ESRRG: variants seen among roughly 807,000 people sequenced by gnomAD.
ESRRG encodes estrogen related receptor gamma, also known as estrogen-related receptor gamma.
In ESRRG, 13 loss-of-function variants were observed where a neutral mutation model predicts 44.0. The observed-to-expected ratio is 0.30, with a 90% CI of 0.19 to 0.47. ESRRG has a LOEUF of 0.47. ESRRG is among the 20% of genes least tolerant of loss of function. The pLI is 1.00. For synonymous variants in ESRRG, 215 were observed against 214.6 expected, an observed-to-expected ratio of 1.00 and a Z score of -0.02; for missense variants, 395 against 580.6, an observed-to-expected ratio of 0.68 and a Z score of 3.29.
chr1:217,118,139 C>T (rs978012301), intron 1 of ESRRG, among the ~76,000 whole-genome samples: 1 of 152,184 alleles, frequency 6.6e-6, no homozygotes, highest in Non-Finnish European at 1.5e-5. Context: ...ATACTACTCA[C>T]CCCTTCATCC....
At chr1:216,860,492 C>T (rs1261514600) in intron 2 of ESRRG, among the ~76,000 whole-genome samples, 1 of 151,892 alleles carries the variant, frequency 6.6e-6, no homozygotes, top group Non-Finnish European at 1.5e-5. Context: ...AGTATAAAAT[C>T]TTAAAAGTAG....
chr1:216,723,070 A>G (rs1453609290), intron 1 of ESRRG, among the ~76,000 whole-genome samples, 174 bp downstream of exon 1: 2 of 152,126 alleles, frequency 1.3e-5, no homozygotes, highest in East Asian at 1.9e-4. Context: ...TTCTCGACTT[A>G]CTGAATTAGG....
rs191234629 is a variant in ESRRG at position 216,526,364 on chromosome 1, G to T, written c.863-6943C>A. On this transcript the variant is annotated intron_variant, in intron 5 of 6. Transcript: ENST00000408911. The stretch of plus-strand genomic sequence containing the variant: ...ATATGACTGTATCTTCATAAAAAGG[G>T]GATATTTGGACACAGAGATGGACGT... 7.9e-5 allele frequency among the ~76,000 whole-genome samples: 12 copies of T among 152,160 alleles called. No homozygotes were observed. The East Asian group carries it at 2.3e-3, about 30-fold the overall frequency.
chr1:216,804,066 C>A (rs1265082958), intron 2 of ESRRG, among the ~76,000 whole-genome samples: 1 of 152,054 alleles, frequency 6.6e-6, no homozygotes, highest in Admixed American at 6.6e-5. Context: ...AAATGGTATA[C>A]CCTCTCACAC....
chr1:217,050,908 T>C (rs2085839758), intron 1 of ESRRG, among the ~76,000 whole-genome samples: 1 of 152,026 alleles, frequency 6.6e-6, no homozygotes, highest in Admixed American at 6.6e-5. Context: ...CTGTTTTAGA[T>C]GACTGCTCTG....
rs146179224 is a variant in ESRRG, at chr1:217,022,425, T to G, written c.-106+67082A>C. ...AACAAATCACTTCCTGAAACTGTTA[T>G]GACAGGATTCCCATATGCAAACGGC... On this transcript the variant is annotated intron_variant, in intron 1 of 7. Transcript: ENST00000359162. Among the ~76,000 whole-genome samples the G allele has an allele frequency of 4.6e-3, 706 of 152,336 alleles. 6 individuals carry two copies. The highest frequency in any genetic ancestry group is 7.8e-3 in the Admixed American group (119 of 15,304).
At chr1:216,662,990 A>G (rs1410090700) in intron 2 of ESRRG, among the ~76,000 whole-genome samples, 2 of 152,238 alleles carry the variant, frequency 1.3e-5, no homozygotes, top group African/African-American at 4.8e-5. Flanking sequence ...ACAGTCTATT[A>G]TCCATTATTT....
chr1:216,686,439 CAAAAAAAA>C (rs58718125), intron 1 of ESRRG, among the ~76,000 whole-genome samples: 22 of 107,168 alleles, frequency 2.1e-4, no homozygotes, highest in African/African-American at 4.3e-4. Context: ...TATTGTTAAC[CAAAAAAAA>C]AAAAAAAAAA....
chr1:217,064,209 A>G (rs1207633680), intron 1 of ESRRG, among the ~76,000 whole-genome samples: 2 of 151,882 alleles, frequency 1.3e-5, no homozygotes, highest in African/African-American at 4.8e-5. Context: ...GTATGTGTAT[A>G]TATGTTGTAT....
intron 1 of ESRRG, among the ~76,000 whole-genome samples, chr1:216,961,623 A>G (rs1454410197): frequency 6.8e-6 from 1 of 147,856 alleles, no homozygotes; most frequent in Non-Finnish European, 1.5e-5. Flanking sequence ...TACTTGATAC[A>G]CTGTTGATTA....
chr1:216,847,007 A>G (rs1559852963), intron 2 of ESRRG, among the ~76,000 whole-genome samples: 1 of 152,150 alleles, frequency 6.6e-6, no homozygotes. Flanking sequence ...TGATAACTCA[A>G]CATTCCTTCC....
chr1:217,053,485 GAAA>G (rs2086510223), intron 1 of ESRRG, among the ~76,000 whole-genome samples: 1 of 151,064 alleles, frequency 6.6e-6, no homozygotes, highest in African/African-American at 2.4e-5. Context: ...AAGAAAGAAA[GAAA>G]GAAAGAAAGA....
intron 1 of ESRRG, among the ~76,000 whole-genome samples, chr1:216,991,641 T>A (rs1157213939): frequency 1.5e-5 from 1 of 68,914 alleles, no homozygotes; most frequent in Non-Finnish European, 2.8e-5. Context: ...TGGGATGGGA[T>A]GGGATGGGAT....
chr1:216,618,517 A>G (rs1014325694), intron 3 of ESRRG, among the ~76,000 whole-genome samples: 2 of 152,218 alleles, frequency 1.3e-5, no homozygotes, highest in African/African-American at 2.4e-5. Flanking sequence ...ATATATATAA[A>G]TAAGTAATAT....
chr1:216,710,139 C>T (rs532223183), intron 1 of ESRRG, among the ~76,000 whole-genome samples: 1 of 152,286 alleles, frequency 6.6e-6, no homozygotes, highest in Admixed American at 6.5e-5. Flanking sequence ...CTTCTATCTT[C>T]CAGTCCTGCC....
At chr1:216,961,011 AC>A (rs1302516053) in intron 1 of ESRRG, among the ~76,000 whole-genome samples, 1 of 152,188 alleles carries the variant, frequency 6.6e-6, no homozygotes. Flanking sequence ...CTTTCATCAG[AC>A]ATCAAAACAT....
At chr1:216,643,348 A>T (rs1235210270) in intron 3 of ESRRG, among the ~76,000 whole-genome samples, 1 of 152,182 alleles carries the variant, frequency 6.6e-6, no homozygotes, top group Non-Finnish European at 1.5e-5. Context: ...ACATCTGGAC[A>T]ACTAATTCCC....
intron 1 of ESRRG, among the ~76,000 whole-genome samples, chr1:217,134,620 C>A (rs1392258037): frequency 6.6e-6 from 1 of 152,226 alleles, no homozygotes; most frequent in Non-Finnish European, 1.5e-5. Flanking sequence ...CTTTGACCCG[C>A]CGTGCGCGAG....
intron 2 of ESRRG, among the ~76,000 whole-genome samples, chr1:216,749,779 A>G (rs1250463048): frequency 6.6e-6 from 1 of 152,174 alleles, no homozygotes; most frequent in Non-Finnish European, 1.5e-5. Context: ...CTAGATATTA[A>G]TATCAGCATT....
Sources: gnomAD v4.1 joint callset for allele counts (sites outside exome capture counted in the v4.1 genomes callset) on GRCh38, gnomAD v4.1.1 for gene constraint, MANE v1.5 for transcripts, NCBI Gene and HGNC (gene_info 2026-07-23, HGNC 2026-07-21) for gene names.